IMPDH1: variants seen among roughly 807,000 people sequenced by gnomAD.
The protein encoded by IMPDH1 is inosine monophosphate dehydrogenase 1.
A neutral mutation model predicts 73.5 loss-of-function variants in IMPDH1; 41 were observed. The observed-to-expected ratio is 0.56, with a 90% CI of 0.43 to 0.72. IMPDH1 has a LOEUF of 0.72. IMPDH1 is among the 30% of genes least tolerant of loss of function. IMPDH1 has a pLI of 0.00. For missense variants in IMPDH1, 645 were observed against 824.8 expected, an observed-to-expected ratio of 0.78 and a Z score of 2.67; for synonymous variants, 318 against 334.3, an observed-to-expected ratio of 0.95 and a Z score of 0.53.
chr7:128,409,967 C>T lies in IMPDH1; in HGVS notation c.-66G>A. ...CCCGGGGCCCCGGCTGGGCAGTGAG[C>T]GCAGCCCGGTCGAGTCCCGAGGAGG... On this transcript the variant is annotated 5_prime_UTR_variant, in exon 1 of 17. Transcript: ENST00000338791. 1.6e-6 allele frequency: 2 copies of T among 1,289,318 alleles called. No homozygotes were observed. Among genetic ancestry groups the T allele is most frequent in the Non-Finnish European group, 2.0e-6 (2 of 1,016,818 alleles). The allele number at this position is 1,289,318 out of a possible 1,614,324, so 79.9% of individuals were successfully genotyped here. A position where few individuals can be genotyped will look rare whatever the true frequency, so the allele number is the denominator to read the frequency against.
intron 3 of IMPDH1, among the ~76,000 whole-genome samples, chr7:128,406,941 GC>G (rs1407700812): frequency 6.6e-6 from 1 of 152,212 alleles, no homozygotes; most frequent in Admixed American, 6.5e-5. Context: ...GGCCCTGGGT[GC>G]CCAGCAAGAT....
At chr7:128,407,273 T>G (rs1422362553) in intron 3 of IMPDH1, among the ~76,000 whole-genome samples, 2 of 152,168 alleles carry the variant, frequency 1.3e-5, no homozygotes, top group African/African-American at 2.4e-5. Context: ...AGGGGAGGCT[T>G]GGCCTCCAAG....
In IMPDH1 at chr7:128,397,036, C is replaced by A; in HGVS notation, c.1075-14G>T. 1.3e-6 allele frequency: 2 copies of A among 1,599,926 alleles called. No homozygotes were observed. Among genetic ancestry groups the A allele is most frequent in the Non-Finnish European group, 1.7e-6 (2 of 1,167,136 alleles). On this transcript the variant is annotated splice_polypyrimidine_tract_variant and intron_variant, in intron 10 of 16. Transcript: ENST00000338791. ...TTGGGACGAGTCCTGTGAGAAAGGA[C>A]GGAAGAGCTTGGGCTTAGACAGCTG...
Position 128,392,785 on chromosome 7 carries a change from G to T in IMPDH1, c.*222C>A. 1 of 559,484 alleles carries T rather than the reference G, an allele frequency of 1.8e-6. No homozygotes were observed. Among genetic ancestry groups the T allele is most frequent in the East Asian group, 3.0e-5 (1 of 33,676 alleles). 34.7% of individuals were successfully genotyped at this position (559,484 alleles called of 1,614,324 possible). On this transcript the variant is annotated 3_prime_UTR_variant, in exon 17 of 17. Transcript: ENST00000338791. ...GAGCCTGGCTGGCTGGGCTCGGAGGGGGGCTCCCAGGGCAGCCTGGCCCCG... is the reference window on the plus strand; with the variant it reads ...GAGCCTGGCTGGCTGGGCTCGGAGGTGGGCTCCCAGGGCAGCCTGGCCCCG...
At chr7:128,397,693 G>A (rs555673050) in intron 10 of IMPDH1, among the ~76,000 whole-genome samples, 47 of 152,042 alleles carry the variant, frequency 3.1e-4, no homozygotes, top group Non-Finnish European at 4.0e-4. Context: ...ATCGGGGGGT[G>A]GGGGAGAGTC....
Position 128,394,264 on chromosome 7 carries a change from G to T in IMPDH1, c.1778+14C>A, listed in dbSNP as rs1797744271. On this transcript the variant is annotated intron_variant, in intron 16 of 16. Coordinates refer to ENST00000338791, the MANE Select transcript of IMPDH1 (RefSeq NM_000883.4). The surrounding 1 kb of genome is among the most constrained non-coding windows in gnomAD (Gnocchi z 5.5). ...ACTGCCTCCAAGTGACAGCAAGGAGGCCACCACACTTACGAGTGCAGGCCA... is the reference window on the plus strand; with the variant it reads ...ACTGCCTCCAAGTGACAGCAAGGAGTCCACCACACTTACGAGTGCAGGCCA... 5 of 1,610,572 alleles carry T rather than the reference G, an allele frequency of 3.1e-6. No homozygotes were observed. Among genetic ancestry groups the T allele is most frequent in the Non-Finnish European group, 3.4e-6 (4 of 1,177,058 alleles).
At chr7:128,393,104 G>T in intron 16 of IMPDH1, 76 bp from the exon 17 acceptor site, 2 of 1,485,618 alleles carry the variant, frequency 1.3e-6, no homozygotes, top group Non-Finnish European at 1.9e-6. Flanking sequence ...TTTCCCCAGG[G>T]CCCCCAGATG....
chr7:128,392,883 C>T lies in IMPDH1; in HGVS notation c.*124G>A. ...CCCTCAGGACCTCCCCTCCTCTCTG[C>T]CTGGAAAGGAGCTGGAGAACCCGTA... is the stretch of plus-strand genomic sequence containing the variant. On this transcript the variant is annotated 3_prime_UTR_variant, in exon 17 of 17. Transcript: ENST00000338791. 1 of 952,980 alleles carries T rather than the reference C, an allele frequency of 1.0e-6. No individual in the cohort carries two copies. Among genetic ancestry groups the T allele is most frequent in the Non-Finnish European group, 1.7e-6 (1 of 595,854 alleles). The allele number at this position is 952,980 out of a possible 1,614,324, so 59.0% of individuals were successfully genotyped here. A position where few individuals can be genotyped will look rare whatever the true frequency, so the allele number is the denominator to read the frequency against.
At position 128,398,172 on chromosome 7, in the gene IMPDH1, G is replaced by A. The variant is rs142394034; in HGVS notation, c.1074+242C>T. ...TGTTTGTTTTTTGAGAAAGGGTCTCGTTCTGTCCCCAGGGCTGGAGTGCAG... is the reference window on the plus strand; with the variant it reads ...TGTTTGTTTTTTGAGAAAGGGTCTCATTCTGTCCCCAGGGCTGGAGTGCAG... On this transcript the variant is annotated intron_variant, in intron 10 of 16. Coordinates refer to ENST00000338791, the MANE Select transcript of IMPDH1 (RefSeq NM_000883.4). The surrounding 1 kb of genome is among the most constrained non-coding windows in gnomAD (Gnocchi z 4.3). Among the ~76,000 whole-genome samples the A allele has an allele frequency of 7.4e-4, 113 of 152,226 alleles. No individual in the cohort carries two copies. The highest frequency in any genetic ancestry group is 2.0e-3 in the African/African-American group (82 of 41,528).
chr7:128,405,078 C>T (rs909671957), intron 4 of IMPDH1, among the ~76,000 whole-genome samples: 21 of 152,326 alleles, frequency 1.4e-4, no homozygotes, highest in Non-Finnish European at 2.9e-4. Flanking sequence ...CACAGTCCTG[C>T]AGCCAGGAGG....
chr7:128,394,337 G>T lies in IMPDH1; in HGVS notation c.1719C>A (p.Leu573=). The T allele has an allele frequency of 1.2e-6, 2 of 1,614,068 alleles. No homozygotes were observed. Among genetic ancestry groups the T allele is most frequent in the South Asian group, 2.2e-5 (2 of 91,076 alleles). Reference sequence around the variant, plus strand: ...CCGACATGGTCCGCTTCTCAAACTTGAGCTCTCCTGAGTACATCATGGACC... The same window carrying T: ...CCGACATGGTCCGCTTCTCAAACTTTAGCTCTCCTGAGTACATCATGGACC... ...VLRSMMYSGE[L]KFEKRTMSAQ... is the part of the protein sequence containing the mutation. Residue 573 remains leucine (L), a synonymous_variant, in exon 16 of 17, where the codon CTC becomes CTA. Coordinates refer to ENST00000338791, the MANE Select transcript of IMPDH1 (RefSeq NM_000883.4). This position sits in a 1 kb window ranked among gnomAD's most constrained non-coding sequence, Gnocchi z 5.5.
chr7:128,398,753 C>A lies in IMPDH1; in HGVS notation c.875-140G>T. 1 of 684,352 alleles carries A rather than the reference C, an allele frequency of 1.5e-6. No individual in the cohort carries two copies. The highest frequency in any genetic ancestry group is 1.6e-5 in the South Asian group (1 of 64,138). 42.4% of individuals were successfully genotyped at this position (684,352 alleles called of 1,614,324 possible). ...AGTCAGCCACTAGGTGACAGCACCG[C>A]CCCCAGGAAGTGTTCCTAGGGACCT... On this transcript the variant is annotated intron_variant, in intron 9 of 16. Transcript: ENST00000338791. The surrounding 1 kb of genome is among the most constrained non-coding windows in gnomAD (Gnocchi z 4.3).
Position 128,409,979 on chromosome 7 carries a change from G to T in IMPDH1, c.-78C>A. On this transcript the variant is annotated 5_prime_UTR_variant, in exon 1 of 17. Coordinates refer to ENST00000338791, the MANE Select transcript of IMPDH1 (RefSeq NM_000883.4). ...GCTGGGCAGTGAGCGCAGCCCGGTC[G>T]AGTCCCGAGGAGGGGCGGGGCCGCC... The T allele has an allele frequency of 1.6e-6, 2 of 1,220,522 alleles. No homozygotes were observed. The highest frequency in any genetic ancestry group is 3.1e-4 in the Middle Eastern group (1 of 3,262). The allele number at this position is 1,220,522 out of a possible 1,614,324, so 75.6% of individuals were successfully genotyped here. A position where few individuals can be genotyped will look rare whatever the true frequency, so the allele number is the denominator to read the frequency against.
At chr7:128,404,527 C>G (rs1225435043) in intron 4 of IMPDH1, among the ~76,000 whole-genome samples, 1 of 152,142 alleles carries the variant, frequency 6.6e-6, no homozygotes, top group Non-Finnish European at 1.5e-5. Context: ...CCTTGAGAGA[C>G]ACACCCAAAA....
rs116071610 is a variant in IMPDH1, at chr7:128,398,189, G to A, written c.1074+225C>T. Among the ~76,000 whole-genome samples the A allele has an allele frequency of 8.5e-3, 1,300 of 152,266 alleles. 20 individuals are homozygous for A. Among genetic ancestry groups the A allele is most frequent in the African/African-American group, 0.03 (1,247 of 41,528 alleles). ...AGGGTCTCGTTCTGTCCCCAGGGCT[G>A]GAGTGCAGTGGCACGATCCTAGCTC... is the stretch of plus-strand genomic sequence containing the variant. On this transcript the variant is annotated intron_variant, in intron 10 of 16. Transcript: ENST00000338791. This position sits in a 1 kb window ranked among gnomAD's most constrained non-coding sequence, Gnocchi z 4.3.
Position 128,400,840 on chromosome 7 carries a change from C to T in IMPDH1, c.556G>A (p.Ala186Thr). ...GCCTTGACCTTCCGCACCTCGTTGG[C>T]CTGGAACTCTGGGGTGCAGTTGTGG... The part of the protein sequence containing the change: ...IHHNCTPEFQ[A>T]NEVRKVKKFE... The change falls in exon 7 of 17, where the codon GCC (alanine) becomes ACC (threonine). Residue 186 changes from alanine (A) to threonine (T), a missense_variant. Ala to Thr is a moderately conservative substitution (Grantham distance 58). Transcript: ENST00000338791. 4 of 1,614,178 alleles carry T rather than the reference C, an allele frequency of 2.5e-6. No homozygotes were observed. Among genetic ancestry groups the T allele is most frequent in the Admixed American group, 1.7e-5 (1 of 60,032 alleles).
intron 10 of IMPDH1, among the ~76,000 whole-genome samples, chr7:128,397,715 T>C (rs1210457506): frequency 6.6e-6 from 1 of 151,924 alleles, no homozygotes; most frequent in African/African-American, 2.4e-5. Context: ...TGATTTGCAA[T>C]TGTTGCTTGC....
chr7:128,406,688 C>G (rs72624941), intron 3 of IMPDH1, among the ~76,000 whole-genome samples: 1 of 152,218 alleles, frequency 6.6e-6, no homozygotes, highest in East Asian at 1.9e-4. Context: ...ATCTATAGTT[C>G]GGAAAGGAAG....
In IMPDH1 at chr7:128,405,846, T is replaced by C. The variant is rs1268550524; in HGVS notation, c.274A>G (p.Ser92Gly). The C allele has an allele frequency of 6.5e-7, 1 of 1,536,020 alleles. No individual in the cohort carries two copies. The highest frequency in any genetic ancestry group is 8.7e-7 in the Non-Finnish European group (1 of 1,143,138). The change falls in exon 4 of 17, where the codon AGC (serine) becomes GGC (glycine). Residue 92 changes from serine (S) to glycine (G), a missense_variant. This residue lies in a region of IMPDH1 where 186 missense variants were observed against 186.6 expected (regional missense o/e 1.00). Coordinates refer to ENST00000338791, the MANE Select transcript of IMPDH1 (RefSeq NM_000883.4). ...TCGGGCACGTAGCCGGTGCCGCCGCTGATCAGGTAGTCCGCCATGCTGCCG... is the reference window on the plus strand; with the variant it reads ...TCGGGCACGTAGCCGGTGCCGCCGCCGATCAGGTAGTCCGCCATGCTGCCG... ...RRASMADYLI[S>G]GGTGYVPEDG...
Sources: allele counts gnomAD v4.1 joint callset (sites outside exome capture counted in the v4.1 genomes callset), GRCh38; gene constraint gnomAD v4.1.1; regional missense constraint gnomAD v4.1.1; non-coding constraint Gnocchi (gnomAD v3.1); transcripts MANE v1.5; gene names NCBI Gene and HGNC (gene_info 2026-07-23, HGNC 2026-07-21).